The following CWH43 variants were observed in gnomAD, a reference collection of about 807,000 sequenced individuals.
The protein encoded by CWH43 is PGAP2-interacting protein.
Under a neutral mutation model 85.7 loss-of-function variants are expected in CWH43, and 91 were observed. The observed-to-expected ratio is 1.06, with a 90% confidence interval of 0.90 to 1.26. CWH43 has a LOEUF of 1.26. Ranked by LOEUF, CWH43 falls within the 50% of genes most tolerant of loss-of-function variation. CWH43 has a pLI of 0.00. For synonymous variants in CWH43, 323 were observed against 293.6 expected (o/e 1.10, Z -1.02); for missense variants, 869 against 839.2 (o/e 1.04, Z -0.44).
chr4:49,037,048 G>T (rs564527480), intron 12 of CWH43, among the ~76,000 whole-genome samples: 1 of 152,198 alleles, frequency 6.6e-6, no homozygotes, highest in African/African-American at 2.4e-5. Context: ...GCTTCCCATC[G>T]CCTAGCTAAC....
At position 48,992,556 on chromosome 4, in the gene CWH43, A is replaced by G. The variant is rs573030673; in HGVS notation, c.511+466A>G. ...CCAGAGGTCTGAAGCTCCAAATCTA[A>G]GAATTGAAAAGATAAGAAACCTTGC... is the stretch of plus-strand genomic sequence containing the variant. On this transcript the variant is annotated intron_variant, in intron 4 of 15. Coordinates refer to ENST00000226432, the MANE Select transcript of CWH43 (RefSeq NM_025087.3). This position sits in a 1 kb window ranked among gnomAD's most constrained non-coding sequence, Gnocchi z 4.3. 1.3e-5 allele frequency among the ~76,000 whole-genome samples: 2 copies of G among 152,338 alleles called. No individual in the cohort carries two copies. The highest frequency in any genetic ancestry group is 4.1e-4 in the South Asian group (2 of 4,830).
chr4:49,006,895 A>G (rs985791584), intron 7 of CWH43, among the ~76,000 whole-genome samples: 40 of 152,318 alleles, frequency 2.6e-4, no homozygotes, highest in Admixed American at 7.9e-4. Context: ...CCCCTGCCCA[A>G]TCAACAGTCA....
chr4:49,008,235 T>C (rs1783232615), intron 8 of CWH43, among the ~76,000 whole-genome samples: 1 of 152,228 alleles, frequency 6.6e-6, no homozygotes, highest in Non-Finnish European at 1.5e-5. Flanking sequence ...ATGATGAGCA[T>C]TTTTTCATGT....
intron 9 of CWH43, among the ~76,000 whole-genome samples, chr4:49,025,680 T>G (rs1193283649): frequency 2.0e-5 from 3 of 152,202 alleles, no homozygotes; most frequent in Non-Finnish European, 4.4e-5. Flanking sequence ...TGGGAGTATC[T>G]GCAAAAAATC....
chr4:49,012,141 G>A (rs1280088830), intron 8 of CWH43, among the ~76,000 whole-genome samples: 1 of 152,124 alleles, frequency 6.6e-6, no homozygotes, highest in Non-Finnish European at 1.5e-5. Flanking sequence ...TTTTCACATA[G>A]TTCCAAAGTT....
intron 13 of CWH43, among the ~76,000 whole-genome samples, chr4:49,038,787 G>A (rs921683218): frequency 2.0e-5 from 3 of 152,058 alleles, no homozygotes; most frequent in African/African-American, 4.8e-5. Flanking sequence ...GGCTGGGTGC[G>A]GTGGCTCACG....
intron 15 of CWH43, among the ~76,000 whole-genome samples, chr4:49,056,702 T>C (rs1784976448): frequency 6.6e-6 from 1 of 152,180 alleles, no homozygotes; most frequent in Non-Finnish European, 1.5e-5. Context: ...TTTTGTTGAC[T>C]TCAGGCTTTG....
intron 6 of CWH43, among the ~76,000 whole-genome samples, chr4:49,000,450 C>A (rs1165572564): frequency 6.6e-6 from 1 of 152,122 alleles, no homozygotes; most frequent in East Asian, 1.9e-4. Context: ...TAAGAGTAAT[C>A]TTTCTTCTCA....
chr4:49,028,777 ATTG>A, intron 10 of CWH43, 43 bp downstream of exon 10: 2 of 1,280,278 alleles, frequency 1.6e-6, no homozygotes, highest in Non-Finnish European at 2.3e-6. Context: ...AGAAACTATT[ATTG>A]TTACTTTTAT....
chr4:48,994,566 C>T (rs753030703), intron 4 of CWH43, 53 bp from the exon 5 acceptor site: 116 of 1,451,994 alleles, frequency 8.0e-5, no homozygotes, highest in Middle Eastern at 1.8e-4. Flanking sequence ...AAATATAGAG[C>T]GCAAATTTCC....
chr4:49,005,074 C>G (rs1783113223), intron 7 of CWH43, among the ~76,000 whole-genome samples: 1 of 152,002 alleles, frequency 6.6e-6, no homozygotes, highest in Non-Finnish European at 1.5e-5. Flanking sequence ...AATAAGGGAT[C>G]TACTTGTTTG....
intron 11 of CWH43, among the ~76,000 whole-genome samples, chr4:49,031,526 C>A (rs1006434929): frequency 1.3e-5 from 2 of 151,980 alleles, no homozygotes; most frequent in African/African-American, 2.4e-5. Flanking sequence ...GGCCAAAGAG[C>A]AACTGGTAAG....
chr4:49,051,943 C>G (rs1784811928), intron 15 of CWH43, among the ~76,000 whole-genome samples: 1 of 152,146 alleles, frequency 6.6e-6, no homozygotes, highest in Admixed American at 6.6e-5. Flanking sequence ...GTGCTCTTTT[C>G]TCTCCCATGA....
chr4:48,998,672 T>C, intron 6 of CWH43, 124 bp downstream of exon 6: 1 of 720,630 alleles, frequency 1.4e-6, no homozygotes, highest in South Asian at 1.6e-5. Context: ...CCAAATGGGC[T>C]GTTGTAAACA....
chr4:49,032,620 G>A lies in CWH43; in HGVS notation c.1563G>A (p.Pro521=), dbSNP rs191688336. The A allele has an allele frequency of 1.5e-5, 25 of 1,613,960 alleles. No homozygotes were observed. In the African/African-American group the frequency reaches 2.0e-4, roughly 13 times the overall value. The change falls in exon 12 of 16, where the codon CCG becomes CCA. Residue 521 remains proline, a synonymous_variant. Coordinates refer to ENST00000226432, the MANE Select transcript of CWH43 (RefSeq NM_025087.3). ...TGAAATCTGAGCATCACCTTCTTCCGTCACCAGAGGGCGAGATCGCACCAG... is the reference window on the plus strand; with the variant it reads ...TGAAATCTGAGCATCACCTTCTTCCATCACCAGAGGGCGAGATCGCACCAG... ...PIVKSEHHLL[P]SPEGEIAPAI...
At chr4:49,034,599 A>G (rs1359595496) in intron 12 of CWH43, among the ~76,000 whole-genome samples, 1 of 152,222 alleles carries the variant, frequency 6.6e-6, no homozygotes, top group Non-Finnish European at 1.5e-5. Context: ...CAACAATAGC[A>G]GTAACAATAA....
chr4:49,041,495 T>C (rs1784461411), intron 13 of CWH43, among the ~76,000 whole-genome samples: 2 of 152,334 alleles, frequency 1.3e-5, no homozygotes, highest in South Asian at 4.1e-4. Flanking sequence ...TATTTTATTC[T>C]CTTTGAAGCA....
intron 8 of CWH43, among the ~76,000 whole-genome samples, chr4:49,014,205 C>A (rs1783457655): frequency 6.6e-6 from 1 of 152,108 alleles, no homozygotes; most frequent in East Asian, 1.9e-4. Context: ...GTAATCCCAG[C>A]ACTTTGAAAG....
intron 8 of CWH43, among the ~76,000 whole-genome samples, chr4:49,014,663 T>C (rs527491987): frequency 3.9e-4 from 59 of 152,168 alleles, no homozygotes; most frequent in African/African-American, 1.4e-3. Flanking sequence ...AATCGAGGCA[T>C]TTGGAACAGT....
Sources: allele counts gnomAD v4.1 joint callset (sites outside exome capture counted in the v4.1 genomes callset), GRCh38; gene constraint gnomAD v4.1.1; non-coding constraint Gnocchi (gnomAD v3.1); transcripts MANE v1.5; gene names NCBI Gene and HGNC (gene_info 2026-07-23, HGNC 2026-07-21).